PSD3: variants seen among roughly 807,000 people sequenced by gnomAD.
The protein encoded by PSD3 is PH and SEC7 domain-containing protein 3.
PSD3 carries 49 observed loss-of-function variants against 105.5 expected under a neutral mutation model. The observed-to-expected ratio is 0.46, with a 90% CI of 0.37 to 0.59. PSD3 has a LOEUF of 0.59. PSD3 is among the 20% of genes least tolerant of loss of function. PSD3 has a pLI of 0.00. For missense variants in PSD3, 1,561 were observed against 1,263.8 expected, an observed-to-expected ratio of 1.24 and a Z score of -3.57; for synonymous variants, 557 against 457.8, an observed-to-expected ratio of 1.22 and a Z score of -2.77.
intron 1 of PSD3, among the ~76,000 whole-genome samples, chr8:19,068,615 G>T (rs1320329868): frequency 2.6e-5 from 4 of 152,068 alleles, no homozygotes; most frequent in African/African-American, 7.2e-5. Context: ...GATAGCAAGG[G>T]GTGGCAGGAC....
chr8:18,547,110 G>T (rs1466029912), intron 15 of PSD3, among the ~76,000 whole-genome samples: 1 of 152,108 alleles, frequency 6.6e-6, no homozygotes, highest in Non-Finnish European at 1.5e-5. Context: ...TTGTTCCTGG[G>T]CCCTAGCACT....
At chr8:18,974,562 G>A (rs1210273825) in intron 1 of PSD3, among the ~76,000 whole-genome samples, 2 of 151,986 alleles carry the variant, frequency 1.3e-5, no homozygotes, top group African/African-American at 4.8e-5. Context: ...CTACGCGCTA[G>A]TCCCAGGGAA....
At chr8:19,048,172 G>A (rs903665274) in intron 1 of PSD3, among the ~76,000 whole-genome samples, 1 of 152,142 alleles carries the variant, frequency 6.6e-6, no homozygotes, top group Admixed American at 6.5e-5. Context: ...TGCCCTCTGG[G>A]GCTGAAATAA....
intron 2 of PSD3, among the ~76,000 whole-genome samples, chr8:18,913,086 A>AACACACACACACACACACACACACAC (rs72253853): frequency 3.1e-5 from 4 of 130,464 alleles, no homozygotes; most frequent in East Asian, 2.3e-4. Flanking sequence ...CACACACACA[A>AACACACACACACACACACACACACAC]ACACACACAC....
chr8:19,039,911 G>T (rs904755770), intron 1 of PSD3, among the ~76,000 whole-genome samples: 34 of 152,168 alleles, frequency 2.2e-4, no homozygotes, highest in African/African-American at 8.2e-4. Context: ...GTATTATATG[G>T]TATCAAGGAA....
At chr8:18,994,570 T>A (rs1475179730) in intron 1 of PSD3, among the ~76,000 whole-genome samples, 2 of 152,060 alleles carry the variant, frequency 1.3e-5, no homozygotes, top group African/African-American at 4.8e-5. Flanking sequence ...AGATGTGCTG[T>A]GAGTGTAAAA....
chr8:18,885,586 G>A (rs1347304047), intron 2 of PSD3, among the ~76,000 whole-genome samples: 1 of 152,186 alleles, frequency 6.6e-6, no homozygotes, highest in Non-Finnish European at 1.5e-5. Flanking sequence ...GTTAGGTGCA[G>A]TGGTAAACAC....
chr8:18,830,100 TG>T (rs1269356341), intron 4 of PSD3, among the ~76,000 whole-genome samples: 6 of 152,120 alleles, frequency 3.9e-5, no homozygotes, highest in Non-Finnish European at 8.8e-5. Flanking sequence ...CCCGAGTAGC[TG>T]GGACTACAGG....
chr8:18,617,508 G>C (rs750260802), intron 11 of PSD3, among the ~76,000 whole-genome samples: 1 of 152,144 alleles, frequency 6.6e-6, no homozygotes, highest in Non-Finnish European at 1.5e-5. Context: ...TCCAGCCTGG[G>C]TGACAAGAGC....
chr8:18,830,670 T>A (rs973818937), intron 4 of PSD3, among the ~76,000 whole-genome samples: 6 of 152,178 alleles, frequency 3.9e-5, no homozygotes, highest in Non-Finnish European at 8.8e-5. Context: ...AAGAACAACA[T>A]GGTCGCGAAA....
chr8:18,963,767 T>G (rs1468987968), intron 1 of PSD3, among the ~76,000 whole-genome samples: 1 of 152,216 alleles, frequency 6.6e-6, no homozygotes, highest in Non-Finnish European at 1.5e-5. Flanking sequence ...TAAGACTTTG[T>G]TCATAGTTAA....
At chr8:18,812,537 G>C (rs1245623279) in intron 4 of PSD3, among the ~76,000 whole-genome samples, 4 of 152,150 alleles carry the variant, frequency 2.6e-5, no homozygotes, top group Non-Finnish European at 4.4e-5. Context: ...GTGGCAGTAG[G>C]GGCTATAGGT....
upstream of PSD3, among the ~76,000 whole-genome samples, chr8:19,016,845 T>C (rs759072585): frequency 2.0e-5 from 3 of 152,072 alleles, no homozygotes; most frequent in Non-Finnish European, 2.9e-5. Flanking sequence ...TCCAAACTTA[T>C]CCTTTTGTCA....
intron 4 of PSD3, among the ~76,000 whole-genome samples, chr8:18,813,133 C>T (rs111247513): frequency 2.0e-5 from 3 of 152,148 alleles, no homozygotes; most frequent in South Asian, 4.2e-4. Flanking sequence ...AATGGAAGAA[C>T]GGGATGAGTG....
At chr8:18,977,674 A>C (rs1368756257) in intron 1 of PSD3, among the ~76,000 whole-genome samples, 1 of 152,226 alleles carries the variant, frequency 6.6e-6, no homozygotes, top group Non-Finnish European at 1.5e-5. Context: ...TATACAGCCC[A>C]AAGTCATTTT....
intron 9 of PSD3, among the ~76,000 whole-genome samples, chr8:18,663,295 C>T (rs1000826596): frequency 6.6e-6 from 1 of 152,070 alleles, no homozygotes; most frequent in African/African-American, 2.4e-5. Context: ...GGTGTGGTGA[C>T]ACGTGCCTGT....
chr8:18,861,757 G>A (rs1370783269), intron 4 of PSD3, among the ~76,000 whole-genome samples: 1 of 151,938 alleles, frequency 6.6e-6, no homozygotes, highest in African/African-American at 2.4e-5. Context: ...ACCCATGATA[G>A]GTTTAAAATA....
intron 9 of PSD3, among the ~76,000 whole-genome samples, chr8:18,661,904 C>A (rs973074203): frequency 6.6e-6 from 1 of 152,082 alleles, no homozygotes; most frequent in African/African-American, 2.4e-5. Flanking sequence ...GTTTAAAGAG[C>A]GCCACATTAG....
At chr8:18,595,439 T>TGAGAGA (rs36065717) in intron 12 of PSD3, among the ~76,000 whole-genome samples, 15 of 148,204 alleles carry the variant, frequency 1.0e-4, no homozygotes, top group South Asian at 6.4e-4. Context: ...TTGAATGTAT[T>TGAGAGA]GAGAGAGAGA....
Sources: gnomAD v4.1 joint callset for allele counts (sites outside exome capture counted in the v4.1 genomes callset) on GRCh38, gnomAD v4.1.1 for gene constraint, MANE v1.5 for transcripts, NCBI Gene and HGNC (gene_info 2026-07-23, HGNC 2026-07-21) for gene names.